BANF2: variants seen among roughly 807,000 people sequenced by gnomAD.
BANF2 encodes barrier-to-autointegration factor-like protein.
BANF2 carries 4 observed loss-of-function variants against 8.0 expected under a neutral mutation model. The observed-to-expected ratio is 0.50, with a 90% CI of 0.25 to 1.14. The LOEUF is 1.14. BANF2 is among the 50% of genes most tolerant of loss of function. The pLI is 0.16. For synonymous variants in BANF2, 50 were observed against 40.6 expected (o/e 1.23, Z -0.88); for missense variants, 96 against 107.5 (o/e 0.89, Z 0.47).
rs577831056 is a variant in BANF2, at chr20:17,709,739, G to T, written c.-167+9684G>T. Among the ~76,000 whole-genome samples, 4 of 152,312 alleles carry T rather than the reference G, an allele frequency of 2.6e-5. 1 individual carries two copies. In the South Asian group the frequency reaches 8.3e-4, roughly 32 times the overall value. ...CGGTTTGAGGCCTGGCAATGCCATA[G>T]GTCAGTTAATTTATCTTATCTGTGA... is the stretch of plus-strand genomic sequence containing the variant. On this transcript the variant is annotated intron_variant, in intron 1 of 3. Coordinates refer to ENST00000246090, the MANE Select transcript of BANF2 (RefSeq NM_178477.5).
intron 1 of BANF2, among the ~76,000 whole-genome samples, chr20:17,709,933 G>A (rs1369501744): frequency 6.6e-6 from 1 of 152,246 alleles, no homozygotes; most frequent in Non-Finnish European, 1.5e-5. Flanking sequence ...TGCAGTGCAA[G>A]TAGTTGATAT....
intron 1 of BANF2, among the ~76,000 whole-genome samples, chr20:17,721,096 C>T (rs1448725127): frequency 2.0e-5 from 3 of 152,204 alleles, no homozygotes; most frequent in Admixed American, 6.5e-5. Context: ...TTGTTGTTTG[C>T]CTACCCAGCA....
chr20:17,719,801 C>A (rs2037704456), intron 1 of BANF2, among the ~76,000 whole-genome samples: 1 of 151,954 alleles, frequency 6.6e-6, no homozygotes, highest in African/African-American at 2.4e-5. Flanking sequence ...CTAATGAGGA[C>A]ATGATGCGCC....
intron 1 of BANF2, among the ~76,000 whole-genome samples, chr20:17,710,172 G>A (rs969883694): frequency 6.6e-6 from 1 of 152,166 alleles, no homozygotes; most frequent in Admixed American, 6.5e-5. Flanking sequence ...AAGGTGTCTC[G>A]TCCCCAGCCC....
In BANF2 at chr20:17,693,699, G is replaced by A. The variant is rs113225770; in HGVS notation, c.11G>A (p.Gly4Glu). ...GCAACCCTGCGCTGAATGCTGCGAG[G>A]AACAAAGGTAAGGCAGATTGGTCTG... The change falls in exon 1 of 3, where the codon GGA becomes GAA. Residue 4 changes from glycine to glutamate, a missense_variant. Transcript: ENST00000545418. 6.2e-4 allele frequency: 958 copies of A among 1,551,622 alleles called. 6 individuals carry two copies. The African/African-American group carries it at 0.011, about 18-fold the overall frequency.
intron 1 of BANF2, among the ~76,000 whole-genome samples, chr20:17,694,371 A>T (rs1482313499): frequency 6.6e-6 from 1 of 152,102 alleles, no homozygotes; most frequent in Non-Finnish European, 1.5e-5. Context: ...GTGGGAGCAG[A>T]GGTCTTCTAG....
chr20:17,724,970 C>G, intron 2 of BANF2, 53 bp from the exon 3 acceptor site: 1 of 1,550,246 alleles, frequency 6.5e-7, no homozygotes, highest in South Asian at 1.2e-5. Context: ...TCCATGCACA[C>G]TGGGAGAAGT....
At chr20:17,693,792 G>A in intron 1 of BANF2, 1 of 1,476,312 alleles carries the variant, frequency 6.8e-7, no homozygotes. Flanking sequence ...CTGGCTAGGA[G>A]AGGTGTGTCC....
chr20:17,703,666 C>G (rs1377713653), intron 1 of BANF2, among the ~76,000 whole-genome samples: 4 of 151,908 alleles, frequency 2.6e-5, no homozygotes, highest in African/African-American at 9.7e-5. Context: ...GACTTTTGGG[C>G]TCTCCAAGAA....
chr20:17,703,154 C>T (rs6080791), intron 1 of BANF2, among the ~76,000 whole-genome samples: 28,144 of 152,244 alleles, frequency 0.18, 3,101 homozygotes, highest in African/African-American at 0.31. Context: ...CCCTGTTCAA[C>T]AGGAGGGCCT....
At chr20:17,701,719 G>T (rs770899169) in intron 1 of BANF2, among the ~76,000 whole-genome samples, 5 of 152,176 alleles carry the variant, frequency 3.3e-5, no homozygotes, top group Admixed American at 6.5e-5. Context: ...TTTCTGTTAG[G>T]CAAGGAGAAC....
chr20:17,730,164 A>G (rs1485753997), intron 3 of BANF2, among the ~76,000 whole-genome samples: 1 of 152,242 alleles, frequency 6.6e-6, no homozygotes. Context: ...TAAGTGCATT[A>G]TGTATATTTA....
chr20:17,735,118 G>T lies in BANF2; in HGVS notation c.127-547G>T, dbSNP rs982971069. Among the ~76,000 whole-genome samples the T allele has an allele frequency of 2.6e-5, 4 of 151,818 alleles. No homozygotes were observed. In the South Asian group the frequency reaches 8.3e-4, roughly 32 times the overall value. ...AAATAAACAAATAAAAGAAAGAAAA[G>T]AAAAGAGAAGAAAAGAAAAGAAATC... On this transcript the variant is annotated intron_variant, in intron 3 of 3. Coordinates refer to ENST00000246090, the MANE Select transcript of BANF2 (RefSeq NM_178477.5).
chr20:17,700,191 C>T (rs1460674944), intron 1 of BANF2, 136 bp downstream of exon 1: 1 of 185,552 alleles, frequency 5.4e-6, no homozygotes, highest in Non-Finnish European at 1.0e-5. Flanking sequence ...CAGGTAAGCC[C>T]CAAACTCTTC....
In BANF2 at chr20:17,722,701, T is replaced by C. The variant is rs368868109; in HGVS notation, c.-166-15T>C. On this transcript the variant is annotated splice_polypyrimidine_tract_variant and intron_variant, in intron 1 of 3. Transcript: ENST00000246090. The stretch of plus-strand genomic sequence containing the variant: ...ACCCTGAACAACCTCTCATGTCTTT[T>C]GCTCCCCTTCCTAGAATCTGCTGAC... The C allele has an allele frequency of 1.6e-3, 1,540 of 981,746 alleles. 55 individuals carry two copies. The South Asian group carries it at 0.064, about 41-fold the overall frequency. The allele number at this position is 981,746 out of a possible 1,614,324, so 60.8% of individuals were successfully genotyped here.
At chr20:17,725,498 C>T (rs970167407) in intron 3 of BANF2, among the ~76,000 whole-genome samples, 2 of 152,232 alleles carry the variant, frequency 1.3e-5, no homozygotes, top group Non-Finnish European at 2.9e-5. Flanking sequence ...TCCATGCCCC[C>T]ATGAAGGGAC....
intron 1 of BANF2, among the ~76,000 whole-genome samples, chr20:17,703,258 C>T (rs1405646484): frequency 6.6e-6 from 1 of 152,180 alleles, no homozygotes; most frequent in African/African-American, 2.4e-5. Flanking sequence ...TCTGAAGTTA[C>T]GTTTGTGTGT....
At chr20:17,699,323 A>G (rs747752566), upstream of BANF2, among the ~76,000 whole-genome samples, 1 of 152,226 alleles carries the variant, frequency 6.6e-6, no homozygotes, top group African/African-American at 2.4e-5. Context: ...CTTAGTAAAT[A>G]TACATTGTAC....
chr20:17,725,112 T>C lies in BANF2; in HGVS notation c.87T>C (p.His29=), dbSNP rs1205817982. The C allele has an allele frequency of 1.9e-6, 3 of 1,612,396 alleles. No homozygotes were observed. In the Admixed American group the frequency reaches 5.0e-5, roughly 27 times the overall value. Reference sequence around the variant, plus strand: ...TCTGCTGGGTGGATGGCATCAGCCATGAGCTCGCGATCAATTTGGTCACCA... The same window carrying C: ...TCTGCTGGGTGGATGGCATCAGCCACGAGCTCGCGATCAATTTGGTCACCA... ...KDVCWVDGIS[H]ELAINLVTKG... The change falls in exon 3 of 4, where the codon CAT becomes CAC. Residue 29 remains histidine (H), a synonymous_variant. Transcript: ENST00000246090.
Sources: gnomAD v4.1 joint callset for allele counts (sites outside exome capture counted in the v4.1 genomes callset) on GRCh38, gnomAD v4.1.1 for gene constraint, MANE v1.5 for transcripts, NCBI Gene and HGNC (gene_info 2026-07-23, HGNC 2026-07-21) for gene names.